ARL13B: variants seen among roughly 807,000 people sequenced by gnomAD.
The protein encoded by ARL13B is ADP-ribosylation factor-like protein 13B.
In ARL13B, 36 loss-of-function variants were observed where a neutral mutation model predicts 56.1. The ratio of observed to expected loss-of-function variants is 0.64; its 90% CI spans 0.49 to 0.85. The LOEUF (loss-of-function observed/expected upper bound fraction) is 0.85, where lower values mean the gene tolerates loss of function less well. Among genes scored for constraint, ARL13B ranks in the 40% least tolerant of loss-of-function variants. The pLI, the probability that ARL13B is intolerant of heterozygous loss-of-function variation, is 0.00. For synonymous variants in ARL13B, 178 were observed against 171.1 expected (o/e 1.04, Z -0.32); for missense variants, 519 against 507.1 (o/e 1.02, Z -0.23).
chr3:94,040,052 G>T (rs1216873955), intron 6 of ARL13B, 64 bp downstream of exon 6: 1 of 1,440,056 alleles, frequency 6.9e-7, no homozygotes. Context: ...GGAAAAGAAG[G>T]TGGAAAGTTG....
chr3:94,011,394 G>C (rs756225869), intron 3 of ARL13B, among the ~76,000 whole-genome samples: 1 of 152,076 alleles, frequency 6.6e-6, no homozygotes, highest in African/African-American at 2.4e-5. Context: ...AATGTTTGTT[G>C]TTCTCTCAAA....
At chr3:93,980,800 C>G (rs1004619504) in intron 1 of ARL13B, among the ~76,000 whole-genome samples, 8 of 151,046 alleles carry the variant, frequency 5.3e-5, no homozygotes, top group Non-Finnish European at 1.2e-4. Flanking sequence ...TCCTCTGAAG[C>G]TTTTGTAATG....
chr3:94,047,339 T>C (rs2076999131), intron 7 of ARL13B, among the ~76,000 whole-genome samples: 1 of 152,174 alleles, frequency 6.6e-6, no homozygotes, highest in African/African-American at 2.4e-5. Context: ...ATATTACCCA[T>C]GTAACTGTCA....
At chr3:94,003,216 A>T (rs1031083597) in intron 2 of ARL13B, among the ~76,000 whole-genome samples, 2 of 152,176 alleles carry the variant, frequency 1.3e-5, no homozygotes, top group African/African-American at 2.4e-5. Flanking sequence ...TATTCTTTAT[A>T]GCTTCTCTCA....
At chr3:93,982,017 C>T (rs539449148) in intron 1 of ARL13B, among the ~76,000 whole-genome samples, 6 of 152,086 alleles carry the variant, frequency 3.9e-5, no homozygotes, top group Middle Eastern at 3.4e-3. Context: ...CCTCATTTTC[C>T]TCCGTGTCTG....
rs2076761443 is a variant in ARL13B at position 94,036,015 on chromosome 3, G to A, written c.487-537G>A. ...TGGACCCTGGGAGGCTGAGGCTGCA[G>A]TGAGTTCTAATTCAGCCACTGCACT... On this transcript the variant is annotated intron_variant, in intron 4 of 9. Coordinates refer to ENST00000394222, the MANE Select transcript of ARL13B (RefSeq NM_001174150.2). Among the ~76,000 whole-genome samples, 6 of 152,156 alleles carry A rather than the reference G, an allele frequency of 3.9e-5. No homozygotes were observed. In the South Asian group the frequency reaches 1.0e-3, roughly 26 times the overall value.
At chr3:94,021,127 G>T (rs150950343) in intron 3 of ARL13B, among the ~76,000 whole-genome samples, 1 of 151,248 alleles carries the variant, frequency 6.6e-6, no homozygotes, top group African/African-American at 2.4e-5. Flanking sequence ...ACTATAGAAA[G>T]AATTGCCAGT....
At chr3:94,015,020 T>A in intron 3 of ARL13B, 1 of 1,614,048 alleles carries the variant, frequency 6.2e-7, no homozygotes, top group Non-Finnish European at 8.5e-7. Context: ...AGACTAAACC[T>A]TCTCATTGAA....
intron 6 of ARL13B, 104 bp from the exon 7 acceptor site, chr3:94,042,911 C>T: frequency 2.3e-6 from 2 of 882,258 alleles, no homozygotes; most frequent in South Asian, 1.8e-5. Context: ...CTCACAGTGT[C>T]CTTGAAGTTA....
intron 1 of ARL13B, among the ~76,000 whole-genome samples, chr3:93,991,606 A>G (rs1411253589): frequency 6.6e-6 from 1 of 152,228 alleles, no homozygotes; most frequent in Non-Finnish European, 1.5e-5. Context: ...CTTGGGCTTA[A>G]GTGATCCTCC....
chr3:93,998,775 T>C (rs371147223), intron 2 of ARL13B, among the ~76,000 whole-genome samples: 3 of 152,264 alleles, frequency 2.0e-5, no homozygotes, highest in South Asian at 4.1e-4. Flanking sequence ...TTGTGTATCT[T>C]TTTTCTTCAG....
chr3:94,012,984 T>C (rs923795686), intron 3 of ARL13B, among the ~76,000 whole-genome samples: 4 of 152,190 alleles, frequency 2.6e-5, no homozygotes, highest in Non-Finnish European at 4.4e-5. Flanking sequence ...TTCAGACTTC[T>C]TTCCATGGCT....
chr3:94,021,604 G>C (rs2076450385), intron 3 of ARL13B, among the ~76,000 whole-genome samples: 1 of 152,158 alleles, frequency 6.6e-6, no homozygotes. Context: ...CTTTGTGAAA[G>C]CAGAATTATC....
chr3:94,046,261 T>A (rs2076982992), intron 7 of ARL13B, among the ~76,000 whole-genome samples: 1 of 152,148 alleles, frequency 6.6e-6, no homozygotes, highest in African/African-American at 2.4e-5. Flanking sequence ...TGTCCTTTAG[T>A]AATCCCTTCT....
intron 3 of ARL13B, among the ~76,000 whole-genome samples, chr3:94,028,124 T>G (rs2076596279): frequency 2.6e-5 from 4 of 152,132 alleles, no homozygotes. Flanking sequence ...ACTTAAAAAT[T>G]TTTTCTTTCC....
intron 9 of ARL13B, among the ~76,000 whole-genome samples, chr3:94,052,059 A>G (rs985553694): frequency 6.6e-6 from 1 of 151,974 alleles, no homozygotes; most frequent in East Asian, 1.9e-4. Flanking sequence ...CAGTAGATTT[A>G]TTTCTTTATT....
At position 94,039,966 on chromosome 3, in the gene ARL13B, C is replaced by T. The variant is rs764854661; in HGVS notation, c.776C>T (p.Pro259Leu). Residue 259 changes from proline to leucine, a missense_variant, in exon 6 of 10, where the codon CCA (proline) becomes CTA (leucine). By Grantham distance (98) the Pro-to-Leu change is moderately conservative (BLOSUM62 -3). Transcript: ENST00000394222. ...LDPEPTNPFQ[P>L]IASVIIENEG... ...CCAGAACCAACGAATCCTTTCCAGCCAATAGCATCTGTAATCATTGAGGTA... is the reference window on the plus strand; with the variant it reads ...CCAGAACCAACGAATCCTTTCCAGCTAATAGCATCTGTAATCATTGAGGTA... 6.2e-7 allele frequency: 1 copy of T among 1,613,888 alleles called. No individual in the cohort carries two copies. Among genetic ancestry groups the T allele is most frequent in the South Asian group, 1.1e-5 (1 of 91,040 alleles).
At chr3:93,996,670 G>T (rs543349219) in intron 2 of ARL13B, 3 of 420,954 alleles carry the variant, frequency 7.1e-6, no homozygotes, top group Non-Finnish European at 1.4e-5. Flanking sequence ...GAGCCACCAC[G>T]CCCAGCCCGG....
chr3:94,043,352 G>C, intron 7 of ARL13B, 112 bp downstream of exon 7: 4 of 950,400 alleles, frequency 4.2e-6, no homozygotes. Context: ...ATATTTTTCT[G>C]TCTTCAAATG....
Sources: gnomAD v4.1 joint callset for allele counts (sites outside exome capture counted in the v4.1 genomes callset) on GRCh38, gnomAD v4.1.1 for gene constraint, MANE v1.5 for transcripts, NCBI Gene and HGNC (gene_info 2026-07-23, HGNC 2026-07-21) for gene names.